The following PCDHGA8 variants were observed in gnomAD, a reference collection of about 807,000 sequenced individuals.
PCDHGA8 encodes protocadherin gamma subfamily A, 8, also known as protocadherin gamma-A8.
In PCDHGA8, 45 loss-of-function variants were observed where a neutral mutation model predicts 59.2. The observed-to-expected ratio is 0.76, with a 90% CI of 0.60 to 0.98. The LOEUF (loss-of-function observed/expected upper bound fraction) is 0.98. PCDHGA8 is among the 50% of genes least tolerant of loss of function. The pLI, the probability that PCDHGA8 is intolerant of heterozygous loss-of-function variation, is 0.00. For missense variants in PCDHGA8, 1,257 were observed against 1,196.2 expected (o/e 1.05, Z -0.75); for synonymous variants, 531 against 519.0 (o/e 1.02, Z -0.32).
At chr5:141,508,906 G>A (rs2099872897) in intron 3 of PCDHGA8, among the ~76,000 whole-genome samples, 1 of 152,092 alleles carries the variant, frequency 6.6e-6, no homozygotes, top group Non-Finnish European at 1.5e-5. Context: ...CGGGGCGGTG[G>A]CGGATCTGGC....
Position 141,490,271 on chromosome 5 carries a change from A to G in PCDHGA8, c.2425-4536A>G, listed in dbSNP as rs750463186. 6.8e-6 allele frequency: 11 copies of G among 1,614,246 alleles called. No homozygotes were observed. Among genetic ancestry groups the G allele is most frequent in the Non-Finnish European group, 8.5e-6 (10 of 1,180,054 alleles). On this transcript the variant is annotated intron_variant, in intron 1 of 3. Coordinates refer to ENST00000398604, the MANE Select transcript of PCDHGA8 (RefSeq NM_032088.2). The surrounding 1 kb of genome is among the most constrained non-coding windows in gnomAD (Gnocchi z 5.4). The stretch of plus-strand genomic sequence containing the variant: ...ATTCAAGTGGATGTGGGGGATGTCA[A>G]TGACAATGCCCCAGAGGTGCTATTG...
rs774630488 is a variant in PCDHGA8 at position 141,490,640 on chromosome 5, G to A, written c.2425-4167G>A. On this transcript the variant is annotated intron_variant, in intron 1 of 3. Transcript: ENST00000398604. The surrounding 1 kb of genome is among the most constrained non-coding windows in gnomAD (Gnocchi z 5.4). Reference sequence around the variant, plus strand: ...TACACTGCTTACATCCTAGAAAACCGGCCTCCGGGCTCCCTTCTTTGCACT... The same window carrying A: ...TACACTGCTTACATCCTAGAAAACCAGCCTCCGGGCTCCCTTCTTTGCACT... 2.6e-5 allele frequency: 42 copies of A among 1,614,004 alleles called. No individual in the cohort carries two copies. The highest frequency in any genetic ancestry group is 1.6e-4 in the Middle Eastern group (1 of 6,084).
intron 1 of PCDHGA8, among the ~76,000 whole-genome samples, chr5:141,468,216 T>C (rs2099160325): frequency 6.6e-6 from 1 of 150,794 alleles, no homozygotes. Flanking sequence ...TTCCAGCTAC[T>C]TGGGAGGATG....
intron 1 of PCDHGA8, among the ~76,000 whole-genome samples, chr5:141,444,095 T>C (rs1012556994): frequency 2.0e-5 from 3 of 150,676 alleles, no homozygotes; most frequent in Admixed American, 1.3e-4. Flanking sequence ...CTGCTAAGGA[T>C]TGGAAACCAA....
At chr5:141,494,195 C>T in intron 1 of PCDHGA8, among the ~76,000 whole-genome samples, 1 of 152,188 alleles carries the variant, frequency 6.6e-6, no homozygotes, top group Non-Finnish European at 1.5e-5. Flanking sequence ...GACTTGGATG[C>T]CCCGCAAAGG....
intron 1 of PCDHGA8, among the ~76,000 whole-genome samples, chr5:141,444,150 GGA>G (rs1471930589): frequency 1.6e-4 from 18 of 114,012 alleles, no homozygotes; most frequent in Non-Finnish European, 2.3e-4. Context: ...TGTGTGTACT[GGA>G]TTTTTTTTTT....
chr5:141,441,768 T>C, intron 1 of PCDHGA8: 1 of 387,074 alleles, frequency 2.6e-6, no homozygotes. Context: ...CCTGCGCGTG[T>C]TGGTGGACGA....
At chr5:141,436,384 CT>C (rs768914860) in intron 1 of PCDHGA8, among the ~76,000 whole-genome samples, 1 of 152,104 alleles carries the variant, frequency 6.6e-6, no homozygotes, top group Non-Finnish European at 1.5e-5. Context: ...GCTGAATAGG[CT>C]TTATTAAATA....
intron 1 of PCDHGA8, chr5:141,398,979 C>T (rs769465343): frequency 1.9e-6 from 3 of 1,613,778 alleles, no homozygotes; most frequent in African/African-American, 1.3e-5. Context: ...TCTACAGAAC[C>T]GGGCAAATCT....
At chr5:141,415,116 A>T in intron 1 of PCDHGA8, 1 of 1,613,652 alleles carries the variant, frequency 6.2e-7, no homozygotes, top group Non-Finnish European at 8.5e-7. Flanking sequence ...AAAGCCTCGT[A>T]GTGGCCGTCC....
At position 141,490,874 on chromosome 5, in the gene PCDHGA8, A is replaced by T. The variant is rs368927472; in HGVS notation, c.2425-3933A>T. 2 of 1,613,948 alleles carry T rather than the reference A, an allele frequency of 1.2e-6. No homozygotes were observed. Among genetic ancestry groups the T allele is most frequent in the Non-Finnish European group, 1.7e-6 (2 of 1,179,952 alleles). On this transcript the variant is annotated intron_variant, in intron 1 of 3. Transcript: ENST00000398604. The surrounding 1 kb of genome is among the most constrained non-coding windows in gnomAD (Gnocchi z 5.4). The stretch of plus-strand genomic sequence containing the variant: ...CGAGACTCCGGCTCTCCCCCATTGC[A>T]TGCCAACACATCTCTGCATGTGTTT...
In PCDHGA8 at chr5:141,511,112, G is replaced by C. The variant is rs767257788; in HGVS notation, c.2738G>C (p.Gly913Ala). The change falls in exon 4 of 4, where the codon GGC becomes GCC. Residue 913 changes from glycine (G) to alanine (A), a missense_variant. Coordinates refer to ENST00000398604, the MANE Select transcript of PCDHGA8 (RefSeq NM_032088.2). ...TLTNAAGKRD[G>A]KAPAGGNGNK... The stretch of plus-strand genomic sequence containing the variant: ...ACCAACGCAGCTGGCAAGCGGGATG[G>C]CAAGGCCCCAGCAGGTGGCAATGGC... The C allele has an allele frequency of 4.3e-6, 7 of 1,614,232 alleles. No homozygotes were observed. Among genetic ancestry groups the C allele is most frequent in the Non-Finnish European group, 5.9e-6 (7 of 1,180,024 alleles).
chr5:141,414,429 G>A (rs1372056104), intron 1 of PCDHGA8: 1 of 1,613,860 alleles, frequency 6.2e-7, no homozygotes, highest in Non-Finnish European at 8.5e-7. Flanking sequence ...ACAGGGAACA[G>A]GTATCCTCTT....
At chr5:141,418,583 T>A (rs1242446631) in intron 1 of PCDHGA8, 1 of 1,613,862 alleles carries the variant, frequency 6.2e-7, no homozygotes, top group Non-Finnish European at 8.5e-7. Flanking sequence ...CCCCCCAGTG[T>A]TCAGCCAGGA....
Position 141,485,220 on chromosome 5 carries a change from C to T in PCDHGA8, c.2425-9587C>T. The T allele has an allele frequency of 6.2e-7, 1 of 1,614,192 alleles. No homozygotes were observed. The highest frequency in any genetic ancestry group is 8.5e-7 in the Non-Finnish European group (1 of 1,180,024). On this transcript the variant is annotated intron_variant, in intron 1 of 3. Transcript: ENST00000398604. This position sits in a 1 kb window ranked among gnomAD's most constrained non-coding sequence, Gnocchi z 5.7. ...TGGACAGAAATCTGGCGGTGGGCTA[C>T]CCTTTTGTTCCTCTTTTACCACCTG... is the stretch of plus-strand genomic sequence containing the variant.
At chr5:141,422,100 A>G (rs1019775470) in intron 1 of PCDHGA8, 2 of 1,609,786 alleles carry the variant, frequency 1.2e-6, no homozygotes, top group Non-Finnish European at 1.7e-6. Context: ...AGGCTTCTGA[A>G]ATATTCCAAT....
At chr5:141,418,851 G>A (rs778281594) in intron 1 of PCDHGA8, 9 of 1,613,906 alleles carry the variant, frequency 5.6e-6, no homozygotes, top group South Asian at 2.2e-5. Context: ...TCAACACGGT[G>A]TAAAGTAATT....
In PCDHGA8 at chr5:141,512,088, A is replaced by G. The variant is rs192947391; in HGVS notation, c.*915A>G. 2.6e-5 allele frequency: 4 copies of G among 152,772 alleles called. No individual in the cohort carries two copies. Among genetic ancestry groups the G allele is most frequent in the Admixed American group, 6.5e-5 (1 of 15,306 alleles). 9.5% of individuals were successfully genotyped at this position (152,772 alleles called of 1,614,324 possible). On this transcript the variant is annotated 3_prime_UTR_variant, in exon 4 of 4. Transcript: ENST00000398604. ...TCCTCCAGATTCCAGCCATAAACCAATAACTAGGCTGGACCCTTCCCACTA... is the reference window on the plus strand; with the variant it reads ...TCCTCCAGATTCCAGCCATAAACCAGTAACTAGGCTGGACCCTTCCCACTA...
At chr5:141,446,873 A>T (rs1324695415) in intron 1 of PCDHGA8, among the ~76,000 whole-genome samples, 1 of 152,132 alleles carries the variant, frequency 6.6e-6, no homozygotes, top group African/African-American at 2.4e-5. Flanking sequence ...CTACACTGGT[A>T]TGTTTTGGGG....
Sources: allele counts gnomAD v4.1 joint callset (sites outside exome capture counted in the v4.1 genomes callset), GRCh38; gene constraint gnomAD v4.1.1; non-coding constraint Gnocchi (gnomAD v3.1); transcripts MANE v1.5; gene names NCBI Gene and HGNC (gene_info 2026-07-23, HGNC 2026-07-21).